ZNF486: variants seen among roughly 807,000 people sequenced by gnomAD.
The protein encoded by ZNF486 is KRAB box only protein 2.
ZNF486 carries 12 observed loss-of-function variants against 12.8 expected under a neutral mutation model. The observed-to-expected ratio is 0.94, with a 90% CI of 0.60 to 1.52. The LOEUF is 1.52. Ranked by LOEUF, ZNF486 falls within the 40% of genes most tolerant of loss-of-function variation. The pLI is 0.00. For missense variants in ZNF486, 738 were observed against 545.0 expected, an observed-to-expected ratio of 1.35 and a Z score of -3.53; for synonymous variants, 231 against 184.9, an observed-to-expected ratio of 1.25 and a Z score of -2.02.
At chr19:20,182,847 C>T (rs1285793075) in intron 1 of ZNF486, among the ~76,000 whole-genome samples, 2 of 152,010 alleles carry the variant, frequency 1.3e-5, no homozygotes, top group Non-Finnish European at 2.9e-5. Context: ...TCTCAAGATG[C>T]AGGTGTAATT....
intron 3 of ZNF486, among the ~76,000 whole-genome samples, chr19:20,193,283 G>A (rs1555717436): frequency 6.7e-6 from 1 of 150,222 alleles, no homozygotes; most frequent in Non-Finnish European, 1.5e-5. Context: ...AAACTTTAAA[G>A]TTTTTATGTA....
rs782459972 is a variant in ZNF486 at position 20,196,981 on chromosome 19, G to T, written c.271G>T (p.Ala91Ser). The change falls in exon 4 of 4, where the codon GCC becomes TCC. Residue 91 changes from alanine to serine, a missense_variant. Transcript: ENST00000335117. ...TCTTTCAGTTGTGTGTTCTCATTTTGCCCAAGACCTTTGGCCAGAGCAGAG... is the reference window on the plus strand; with the variant it reads ...TCTTTCAGTTGTGTGTTCTCATTTTTCCCAAGACCTTTGGCCAGAGCAGAG... ...AKPPVVCSHF[A>S]QDLWPEQSIK... is the part of the protein sequence containing the mutation. 1 of 1,556,256 alleles carries T rather than the reference G, an allele frequency of 6.4e-7. No individual in the cohort carries two copies. The highest frequency in any genetic ancestry group is 2.1e-5 in the Admixed American group (1 of 47,208).
At position 20,167,334 on chromosome 19, in the gene ZNF486, C is replaced by G; in HGVS notation, c.4C>G (p.Pro2Ala). The change falls in exon 1 of 4, where the codon CCG becomes GCG. Residue 2 changes from proline to alanine, a missense_variant. By Grantham distance (27) the Pro-to-Ala change is conservative. Transcript: ENST00000335117. Reference protein sequence around the residue: MPGPLRSLEMES... With the variant: MAGPLRSLEMES... ...TATTGGGAGATCCACAGCCAAGATG[C>G]CGGGACCCCTTAGAAGCCTAGAAAT... 2 of 1,613,898 alleles carry G rather than the reference C, an allele frequency of 1.2e-6. No homozygotes were observed. Among genetic ancestry groups the G allele is most frequent in the African/African-American group, 1.3e-5 (1 of 75,012 alleles).
At chr19:20,180,835 A>G (rs529850044) in intron 1 of ZNF486, among the ~76,000 whole-genome samples, 26 of 152,162 alleles carry the variant, frequency 1.7e-4, no homozygotes, top group African/African-American at 6.0e-4. Flanking sequence ...TATAATTTCT[A>G]CTTTTTTTTA....
intron 1 of ZNF486, among the ~76,000 whole-genome samples, chr19:20,169,888 GTTTT>G (rs781968530): frequency 1.6e-4 from 17 of 108,914 alleles, no homozygotes; most frequent in African/African-American, 5.0e-4. Context: ...GGGGTTGTAT[GTTTT>G]TTTTTTTTTT....
chr19:20,179,086 T>A (rs1359499698), intron 1 of ZNF486, among the ~76,000 whole-genome samples: 1 of 152,226 alleles, frequency 6.6e-6, no homozygotes. Flanking sequence ...TAAAGCAGGT[T>A]CTTTTGGTTA....
Position 20,197,097 on chromosome 19 carries a change from G to A in ZNF486, c.387G>A (p.Val129=). The A allele has an allele frequency of 6.2e-7, 1 of 1,613,228 alleles. No individual in the cohort carries two copies. The highest frequency in any genetic ancestry group is 8.5e-7 in the Non-Finnish European group (1 of 1,179,852). Residue 129 remains valine, a synonymous_variant, in exon 4 of 4, where the codon GTG becomes GTA. Transcript: ENST00000335117. The stretch of plus-strand genomic sequence containing the variant: ...ACTTTAAAAAAGGCTGTGAAAGTGT[G>A]GATGAGTGTAAGTTACACAAAAGAG... ...NLHFKKGCES[V]DECKLHKRGY... is the part of the protein sequence containing the mutation.
rs1350721123 is a variant in ZNF486, at chr19:20,181,408, G to A, written c.31-2948G>A. ...CAAAAAATTAGCTGGGTGTGGTGGTGGGCGCCTGTAGTCCCAGCTACTGAG... is the reference window on the plus strand; with the variant it reads ...CAAAAAATTAGCTGGGTGTGGTGGTAGGCGCCTGTAGTCCCAGCTACTGAG... On this transcript the variant is annotated intron_variant, in intron 1 of 3. Transcript: ENST00000335117. 5.3e-5 allele frequency among the ~76,000 whole-genome samples: 8 copies of A among 152,126 alleles called. No homozygotes were observed. In the South Asian group the frequency reaches 6.2e-4, roughly 12 times the overall value.
intron 1 of ZNF486, among the ~76,000 whole-genome samples, chr19:20,178,979 C>T (rs1009491971): frequency 1.6e-4 from 24 of 152,218 alleles, no homozygotes; most frequent in African/African-American, 5.8e-4. Flanking sequence ...GTGCAGGTAA[C>T]ACCTGCTGCT....
Position 20,197,644 on chromosome 19 carries a change from C to T in ZNF486, c.934C>T (p.His312Tyr). ...AFNHPATLSSHKKIHTGEKPY... is the reference protein window; with the variant it reads ...AFNHPATLSSYKKIHTGEKPY... Reference sequence around the variant, plus strand: ...TAACCATCCTGCAACTCTTTCTTCACATAAGAAAATTCATACTGGAGAGAA... The same window carrying T: ...TAACCATCCTGCAACTCTTTCTTCATATAAGAAAATTCATACTGGAGAGAA... The change falls in exon 4 of 4, where the codon CAT (histidine) becomes TAT (tyrosine). Residue 312 changes from histidine (H) to tyrosine (Y), a missense_variant. Transcript: ENST00000335117. The T allele has an allele frequency of 6.2e-7, 1 of 1,613,770 alleles. No homozygotes were observed. The highest frequency in any genetic ancestry group is 8.5e-7 in the Non-Finnish European group (1 of 1,179,832).
At chr19:20,181,072 C>G (rs2089779323) in intron 1 of ZNF486, among the ~76,000 whole-genome samples, 1 of 152,086 alleles carries the variant, frequency 6.6e-6, no homozygotes, top group Non-Finnish European at 1.5e-5. Context: ...TAAGTCCTCA[C>G]ACTGCCTGAG....
Position 20,184,312 on chromosome 19 carries a change from C to A in ZNF486, c.31-44C>A, listed in dbSNP as rs897506448. 5 of 1,605,558 alleles carry A rather than the reference C, an allele frequency of 3.1e-6. No individual in the cohort carries two copies. The African/African-American group carries it at 6.7e-5, about 22-fold the overall frequency. On this transcript the variant is annotated intron_variant, in intron 1 of 3. Transcript: ENST00000335117. ...TTTCACCTTAAATTAAAAATTCCACCAACGGCGACTTGGTGAAAATGTGTG... is the reference window on the plus strand; with the variant it reads ...TTTCACCTTAAATTAAAAATTCCACAAACGGCGACTTGGTGAAAATGTGTG...
At chr19:20,189,502 T>A (rs868937573) in intron 3 of ZNF486, among the ~76,000 whole-genome samples, 19 of 152,162 alleles carry the variant, frequency 1.2e-4, no homozygotes, top group Non-Finnish European at 1.9e-4. Context: ...ACAGATTGGG[T>A]GTTTTTAAAA....
chr19:20,173,273 C>G (rs1220047363), intron 1 of ZNF486, among the ~76,000 whole-genome samples: 1 of 152,202 alleles, frequency 6.6e-6, no homozygotes, highest in South Asian at 2.1e-4. Context: ...CTTTAGTCTT[C>G]TAAAAAATGC....
intron 1 of ZNF486, among the ~76,000 whole-genome samples, chr19:20,169,888 GTTTTTTTTTT>G (rs781968530): frequency 1.8e-5 from 2 of 108,914 alleles, no homozygotes; most frequent in Non-Finnish European, 3.7e-5. Flanking sequence ...GGGGTTGTAT[GTTTTTTTTTT>G]TTTTTTTTTT....
At chr19:20,194,361 C>T (rs1378524419) in intron 3 of ZNF486, among the ~76,000 whole-genome samples, 2 of 152,162 alleles carry the variant, frequency 1.3e-5, no homozygotes, top group African/African-American at 2.4e-5. Flanking sequence ...TTGCATTTGA[C>T]AGCTTTTTAA....
chr19:20,191,127 A>C (rs2089897701), intron 3 of ZNF486, among the ~76,000 whole-genome samples: 2 of 152,108 alleles, frequency 1.3e-5, no homozygotes, highest in Non-Finnish European at 2.9e-5. Flanking sequence ...GCTAGCACAC[A>C]CTTCTTATAG....
chr19:20,193,510 C>A (rs2089922877), intron 3 of ZNF486, among the ~76,000 whole-genome samples: 1 of 151,780 alleles, frequency 6.6e-6, no homozygotes, highest in Non-Finnish European at 1.5e-5. Context: ...AAAATACAAA[C>A]ATTATCCGGG....
chr19:20,191,321 G>A (rs1206444831), intron 3 of ZNF486, among the ~76,000 whole-genome samples: 2 of 148,304 alleles, frequency 1.3e-5, no homozygotes, highest in Admixed American at 6.8e-5. Context: ...AATACAAAAA[G>A]CCGGGCGTGC....
Sources: allele counts gnomAD v4.1 joint callset (sites outside exome capture counted in the v4.1 genomes callset), GRCh38; gene constraint gnomAD v4.1.1; transcripts MANE v1.5; gene names NCBI Gene and HGNC (gene_info 2026-07-23, HGNC 2026-07-21).